RNF216: variants seen among roughly 807,000 people sequenced by gnomAD.
RNF216 encodes ring finger protein 216, also known as E3 ubiquitin-protein ligase RNF216.
RNF216 carries 72 observed loss-of-function variants against 110.8 expected under a neutral mutation model. The ratio of observed to expected loss-of-function variants is 0.65; its 90% CI spans 0.54 to 0.79. RNF216 has a LOEUF of 0.79. Ranked by LOEUF, RNF216 falls within the 30% of genes least tolerant of loss-of-function variation. The probability of loss-of-function intolerance (pLI) is 0.00; values close to 1 mark genes in which losing one functional copy is unlikely to be tolerated. For synonymous variants in RNF216, 495 were observed against 407.5 expected, an observed-to-expected ratio of 1.21 and a Z score of -2.59; for missense variants, 1,342 against 1,141.2, an observed-to-expected ratio of 1.18 and a Z score of -2.54.
At chr7:5,710,591 A>G (rs539664155) in intron 13 of RNF216, among the ~76,000 whole-genome samples, 3 of 152,258 alleles carry the variant, frequency 2.0e-5, no homozygotes, top group Admixed American at 6.5e-5. Context: ...GACTTTCCTT[A>G]TATTTTATCT....
At chr7:5,633,099 C>A (rs796902744) in intron 15 of RNF216, among the ~76,000 whole-genome samples, 71 of 152,014 alleles carry the variant, frequency 4.7e-4, no homozygotes, top group African/African-American at 1.7e-3. Context: ...CCTGCCTCAG[C>A]CTCCCAAGCA....
intron 13 of RNF216, among the ~76,000 whole-genome samples, chr7:5,705,922 CAAAA>C (rs1202467348): frequency 3.9e-3 from 11 of 2,844 alleles, no homozygotes; most frequent in Non-Finnish European, 8.2e-3. Context: ...AAAACTAAAA[CAAAA>C]CAAAACAAAA....
chr7:5,703,929 A>C (rs1584479809), intron 13 of RNF216, among the ~76,000 whole-genome samples: 1 of 152,360 alleles, frequency 6.6e-6, no homozygotes, highest in South Asian at 2.1e-4. Context: ...TCTGACCCTA[A>C]GAATACATAT....
At chr7:5,729,022 T>A (rs911154340) in intron 7 of RNF216, among the ~76,000 whole-genome samples, 2 of 152,146 alleles carry the variant, frequency 1.3e-5, no homozygotes, top group African/African-American at 4.8e-5. Context: ...CCCACTCTCT[T>A]CTGAGGGGGC....
chr7:5,725,505 C>A, intron 7 of RNF216, 67 bp from the exon 8 acceptor site: 7 of 887,940 alleles, frequency 7.9e-6, no homozygotes, highest in Non-Finnish European at 1.1e-5. Flanking sequence ...GACAGGCAAT[C>A]CCTGAATGCC....
At chr7:5,638,823 G>A (rs1017858590) in intron 15 of RNF216, among the ~76,000 whole-genome samples, 3 of 151,908 alleles carry the variant, frequency 2.0e-5, no homozygotes, top group African/African-American at 7.3e-5. Flanking sequence ...TTGTAAAGAT[G>A]GGGGTCTCAC....
rs1022077274 is a variant in RNF216, at chr7:5,622,657, C to T, written c.*203G>A. On this transcript the variant is annotated 3_prime_UTR_variant, in exon 17 of 17. Transcript: ENST00000389902. ...TCACATCGCAGCTCTCTCCGAACTC[C>T]ACCATTTGGGACGTCTTTATTATGG... The T allele has an allele frequency of 1.2e-5, 7 of 582,440 alleles. No homozygotes were observed. Among genetic ancestry groups the T allele is most frequent in the Non-Finnish European group, 2.1e-5 (7 of 331,756 alleles). 36.1% of individuals were successfully genotyped at this position (582,440 alleles called of 1,614,324 possible). A position where few individuals can be genotyped will look rare whatever the true frequency, so the allele number is the denominator to read the frequency against.
chr7:5,695,211 T>C (rs553712798), intron 13 of RNF216, among the ~76,000 whole-genome samples: 43 of 152,328 alleles, frequency 2.8e-4, no homozygotes, highest in Non-Finnish European at 5.3e-4. Context: ...GTCCGGCTTA[T>C]AAATCTAACA....
chr7:5,676,468 TG>T (rs1435886143), intron 13 of RNF216, among the ~76,000 whole-genome samples: 2 of 152,126 alleles, frequency 1.3e-5, no homozygotes, highest in Non-Finnish European at 2.9e-5. Context: ...GAACTGTCGC[TG>T]GGGAACCCCA....
At chr7:5,638,372 C>A (rs1787527932) in intron 15 of RNF216, among the ~76,000 whole-genome samples, 2 of 152,198 alleles carry the variant, frequency 1.3e-5, no homozygotes, top group South Asian at 4.1e-4. Flanking sequence ...GTGTTGCAGA[C>A]AGAACTTTGT....
At chr7:5,702,009 G>A (rs935760114) in intron 13 of RNF216, among the ~76,000 whole-genome samples, 1 of 152,192 alleles carries the variant, frequency 6.6e-6, no homozygotes, top group African/African-American at 2.4e-5. Context: ...CTGGGACAAG[G>A]AAGAGCCAGG....
At chr7:5,705,948 A>T (rs946507157) in intron 13 of RNF216, among the ~76,000 whole-genome samples, 9 of 151,334 alleles carry the variant, frequency 5.9e-5, no homozygotes, top group Non-Finnish European at 1.3e-4. Context: ...AAAACAAAAC[A>T]AAACAAAACA....
intron 15 of RNF216, among the ~76,000 whole-genome samples, chr7:5,629,389 C>CA (rs1786915869): frequency 6.6e-6 from 1 of 151,304 alleles, no homozygotes; most frequent in South Asian, 2.1e-4. Flanking sequence ...CACTAGAGCC[C>CA]AAGGAGGTTG....
At chr7:5,744,669 G>C (rs564388516) in intron 3 of RNF216, among the ~76,000 whole-genome samples, 1 of 152,102 alleles carries the variant, frequency 6.6e-6, no homozygotes, top group East Asian at 1.9e-4. Context: ...AACAACCCTC[G>C]AAGAAATAAA....
chr7:5,641,742 T>TG (rs1353863646), intron 14 of RNF216, among the ~76,000 whole-genome samples: 1 of 152,102 alleles, frequency 6.6e-6, no homozygotes, highest in Non-Finnish European at 1.5e-5. Context: ...AGGCTTAAAA[T>TG]GGAGAGAACA....
At chr7:5,671,101 A>G (rs1789878933) in intron 13 of RNF216, among the ~76,000 whole-genome samples, 1 of 152,238 alleles carries the variant, frequency 6.6e-6, no homozygotes, top group Non-Finnish European at 1.5e-5. Flanking sequence ...GGACAACAGG[A>G]TAAAACCTCA....
At chr7:5,663,554 A>C (rs1414023890) in intron 13 of RNF216, among the ~76,000 whole-genome samples, 1 of 140,828 alleles carries the variant, frequency 7.1e-6, no homozygotes. Flanking sequence ...ACTGCACTCC[A>C]GTCTGGGCGA....
Position 5,630,713 on chromosome 7 carries a change from C to A in RNF216, c.2383-6588G>T, listed in dbSNP as rs150129599. On this transcript the variant is annotated intron_variant, in intron 15 of 16. Coordinates refer to ENST00000389902, the MANE Select transcript of RNF216 (RefSeq NM_207111.4). ...TGGTCTGATCACTCTTATAAAGCGC[C>A]AAGCACAGTGACAACAACAGTAGTT... Among the ~76,000 whole-genome samples, 276 of 152,220 alleles carry A rather than the reference C, an allele frequency of 1.8e-3. 1 individual carries two copies. Among genetic ancestry groups the A allele is most frequent in the Middle Eastern group, 0.01 (3 of 294 alleles).
chr7:5,764,181 A>G (rs1187091983), intron 1 of RNF216, among the ~76,000 whole-genome samples: 1 of 151,946 alleles, frequency 6.6e-6, no homozygotes, highest in Non-Finnish European at 1.5e-5. Context: ...AGACAAGAGC[A>G]AAACTCTATC....
Sources: allele counts gnomAD v4.1 joint callset (sites outside exome capture counted in the v4.1 genomes callset), GRCh38; gene constraint gnomAD v4.1.1; transcripts MANE v1.5; gene names NCBI Gene and HGNC (gene_info 2026-07-23, HGNC 2026-07-21).